ROBO2: variants seen among roughly 807,000 people sequenced by gnomAD.
ROBO2 encodes roundabout guidance receptor 2.
In ROBO2, 53 loss-of-function variants were observed where a neutral mutation model predicts 160.8. The observed-to-expected ratio is 0.33, with a 90% CI of 0.26 to 0.41. The LOEUF (loss-of-function observed/expected upper bound fraction) is 0.41. ROBO2 is among the 10% of genes least tolerant of loss of function. ROBO2 has a pLI of 1.00. For missense variants in ROBO2, 1,577 were observed against 1,722.4 expected, an observed-to-expected ratio of 0.92 and a Z score of 1.49; for synonymous variants, 664 against 611.7, an observed-to-expected ratio of 1.09 and a Z score of -1.26.
chr3:77,212,414 G>C (rs374358908), intron 2 of ROBO2, among the ~76,000 whole-genome samples: 1 of 151,950 alleles, frequency 6.6e-6, no homozygotes, highest in African/African-American at 2.4e-5. Context: ...GTGATTTTTG[G>C]ACATTGATTT....
At chr3:76,265,306 G>A (rs1250442278) in intron 2 of ROBO2, among the ~76,000 whole-genome samples, 5 of 152,032 alleles carry the variant, frequency 3.3e-5, no homozygotes, top group East Asian at 3.9e-4. Flanking sequence ...TTTCCTAATC[G>A]ATCTACTTCA....
chr3:76,124,861 A>G (rs2070907017), intron 2 of ROBO2, among the ~76,000 whole-genome samples: 2 of 152,156 alleles, frequency 1.3e-5, no homozygotes, highest in Non-Finnish European at 2.9e-5. Flanking sequence ...AAATATTTCA[A>G]CTTTCAGATA....
chr3:77,317,188 C>G, intron 2 of ROBO2: 1 of 883,124 alleles, frequency 1.1e-6, no homozygotes, highest in Non-Finnish European at 1.9e-6. Context: ...CACTAGAGCA[C>G]CCCGGATGGA....
At chr3:76,158,158 C>A (rs1005530147) in intron 2 of ROBO2, among the ~76,000 whole-genome samples, 1 of 152,012 alleles carries the variant, frequency 6.6e-6, no homozygotes, top group Non-Finnish European at 1.5e-5. Context: ...GAAGTATTCC[C>A]AGAGTCACCT....
intron 2 of ROBO2, among the ~76,000 whole-genome samples, chr3:76,996,228 T>G (rs1247860412): frequency 6.6e-6 from 1 of 152,206 alleles, no homozygotes; most frequent in Non-Finnish European, 1.5e-5. Context: ...CCATTTCTTG[T>G]TTTTGTCAGG....
intron 2 of ROBO2, among the ~76,000 whole-genome samples, chr3:76,296,964 G>T (rs571102342): frequency 6.6e-6 from 1 of 152,184 alleles, no homozygotes; most frequent in Admixed American, 6.5e-5. Flanking sequence ...CATTATTTTT[G>T]TTTACATTAC....
At chr3:77,625,856 G>GA (rs2095010495) in intron 23 of ROBO2, among the ~76,000 whole-genome samples, 1 of 152,118 alleles carries the variant, frequency 6.6e-6, no homozygotes, top group African/African-American at 2.4e-5. Flanking sequence ...TCATTTTACA[G>GA]AAAAAAGTTT....
intron 2 of ROBO2, among the ~76,000 whole-genome samples, chr3:77,415,262 G>A (rs2077121350): frequency 6.6e-6 from 1 of 152,198 alleles, no homozygotes. Flanking sequence ...TAGAAGAAGA[G>A]ACAGGAGTTA....
At chr3:77,570,060 T>C (rs2093599657) in intron 13 of ROBO2, among the ~76,000 whole-genome samples, 1 of 151,958 alleles carries the variant, frequency 6.6e-6, no homozygotes, top group Non-Finnish European at 1.5e-5. Context: ...TATCTTTCAG[T>C]ACCCTTGAGT....
intron 2 of ROBO2, among the ~76,000 whole-genome samples, chr3:76,002,110 G>A (rs897667083): frequency 4.6e-5 from 7 of 152,076 alleles, no homozygotes; most frequent in South Asian, 2.1e-4. Flanking sequence ...ATAATGAGGC[G>A]GTAATTCCAG....
intron 6 of ROBO2, among the ~76,000 whole-genome samples, chr3:77,534,534 A>T (rs2091962962): frequency 6.6e-6 from 1 of 152,162 alleles, no homozygotes; most frequent in African/African-American, 2.4e-5. Context: ...ATGTCATGAT[A>T]CATATACTGT....
chr3:76,664,618 A>C (rs1160843209), intron 2 of ROBO2, among the ~76,000 whole-genome samples: 1 of 152,168 alleles, frequency 6.6e-6, no homozygotes, highest in Non-Finnish European at 1.5e-5. Context: ...TCAGGTTAAG[A>C]ATTTTAAAAA....
intron 2 of ROBO2, among the ~76,000 whole-genome samples, chr3:77,315,642 C>T (rs2153426063): frequency 6.6e-6 from 1 of 152,236 alleles, no homozygotes; most frequent in African/African-American, 2.4e-5. Flanking sequence ...ATGCTGTATA[C>T]AAATTATAAA....
At chr3:76,892,083 G>A (rs1479724954) in intron 2 of ROBO2, among the ~76,000 whole-genome samples, 13 of 150,364 alleles carry the variant, frequency 8.6e-5, no homozygotes, top group Admixed American at 8.5e-4. Context: ...AGACCTGAAG[G>A]ATTTTCAGGA....
chr3:76,524,826 TAAAAAAAAAAAAAAAAAAAAAAAAAAAA>T (rs58091252), intron 2 of ROBO2, among the ~76,000 whole-genome samples: 2 of 21,718 alleles, frequency 9.2e-5, no homozygotes, highest in Non-Finnish European at 1.8e-4. Flanking sequence ...CTCTTATTCC[TAAAAAAAAAAAAAAAAAAAAAAAAAAAA>T]AAAAAAAAAA....
intron 1 of ROBO2, among the ~76,000 whole-genome samples, chr3:77,057,510 C>T (rs919293319): frequency 2.0e-5 from 3 of 149,546 alleles, no homozygotes; most frequent in African/African-American, 7.4e-5. Flanking sequence ...GTCTTTTAGT[C>T]ATTGCATTTT....
At chr3:77,209,620 G>C (rs1281632286) in intron 2 of ROBO2, among the ~76,000 whole-genome samples, 1 of 151,974 alleles carries the variant, frequency 6.6e-6, no homozygotes, top group African/African-American at 2.4e-5. Context: ...AATTAATATA[G>C]TGGAAAGGAC....
rs926015029 is a variant in ROBO2 at position 76,070,000 on chromosome 3, C to T, written c.109+132398C>T. On this transcript the variant is annotated intron_variant, in intron 2 of 26. Coordinates refer to the ROBO2 transcript ENST00000487694. Reference sequence around the variant, plus strand: ...ATCAATACCCTTGTGATTTCCTATGCCTGTCTTTACTTTAATCTCTTAATC... The same window carrying T: ...ATCAATACCCTTGTGATTTCCTATGTCTGTCTTTACTTTAATCTCTTAATC... 4.6e-5 allele frequency among the ~76,000 whole-genome samples: 7 copies of T among 152,294 alleles called. No homozygotes were observed. In the South Asian group the frequency reaches 1.5e-3, roughly 32 times the overall value.
intron 2 of ROBO2, among the ~76,000 whole-genome samples, chr3:76,924,040 C>T (rs1348936813): frequency 1.3e-5 from 2 of 151,958 alleles, no homozygotes; most frequent in Admixed American, 6.5e-5. Context: ...CACTTTTTTT[C>T]CACTTCTCCG....
Sources: gnomAD v4.1 joint callset for allele counts (sites outside exome capture counted in the v4.1 genomes callset) on GRCh38, gnomAD v4.1.1 for gene constraint, MANE v1.5 for transcripts, NCBI Gene and HGNC (gene_info 2026-07-23, HGNC 2026-07-21) for gene names.